DTNBP1: variants seen among roughly 807,000 people sequenced by gnomAD.
The protein encoded by DTNBP1 is dysbindin.
DTNBP1 carries 35 observed loss-of-function variants against 42.8 expected under a neutral mutation model. The ratio of observed to expected loss-of-function variants is 0.82; its 90% confidence interval spans 0.63 to 1.09. The LOEUF is 1.09. DTNBP1 is among the 50% of genes least tolerant of loss of function. DTNBP1 has a pLI of 0.00. For missense variants in DTNBP1, 457 were observed against 424.2 expected (o/e 1.08, Z -0.68); for synonymous variants, 171 against 162.2 (o/e 1.05, Z -0.41).
intron 7 of DTNBP1, among the ~76,000 whole-genome samples, chr6:15,577,538 T>G (rs550138400): frequency 6.6e-6 from 1 of 152,332 alleles, no homozygotes; most frequent in African/African-American, 2.4e-5. Context: ...TTTTTGTTGA[T>G]GTCTCTTATA....
At position 15,523,536 on chromosome 6, in the gene DTNBP1, C is replaced by T. The variant is rs736001; in HGVS notation, c.812-317G>A. The T allele has an allele frequency of 1.7e-4, 216 of 1,271,508 alleles. 2 individuals are homozygous for T. The South Asian group carries it at 2.9e-3, about 17-fold the overall frequency. The allele number at this position is 1,271,508 out of a possible 1,614,324, so 78.8% of individuals were successfully genotyped here. ...GTGCTGCCTATCTTTGAGGAGCAGTCCTTGTAACCTTGATAATCTAGATTT... is the reference window on the plus strand; with the variant it reads ...GTGCTGCCTATCTTTGAGGAGCAGTTCTTGTAACCTTGATAATCTAGATTT... On this transcript the variant is annotated intron_variant, in intron 9 of 9. Transcript: ENST00000344537.
intron 3 of DTNBP1, among the ~76,000 whole-genome samples, chr6:15,647,254 C>T (rs1454184290): frequency 6.6e-6 from 1 of 151,916 alleles, no homozygotes; most frequent in Non-Finnish European, 1.5e-5. Flanking sequence ...AAATGCTCAG[C>T]ATCACTAATC....
rs115369822 is a variant in DTNBP1, at chr6:15,574,792, T to G, written c.511+18267A>C. Reference sequence around the variant, plus strand: ...AAACGCAAACCTACTTATTAGCTGGTGGTAGGACCCTCTAATATTTCTCTC... The same window carrying G: ...AAACGCAAACCTACTTATTAGCTGGGGGTAGGACCCTCTAATATTTCTCTC... On this transcript the variant is annotated intron_variant, in intron 7 of 9. Coordinates refer to ENST00000344537, the MANE Select transcript of DTNBP1 (RefSeq NM_032122.5). Among the ~76,000 whole-genome samples the G allele has an allele frequency of 2.0e-3, 311 of 152,294 alleles. 1 individual carries two copies. The highest frequency in any genetic ancestry group is 6.9e-3 in the African/African-American group (287 of 41,558).
intron 7 of DTNBP1, among the ~76,000 whole-genome samples, chr6:15,563,845 C>T (rs939255819): frequency 3.9e-5 from 6 of 152,098 alleles, no homozygotes; most frequent in East Asian, 3.9e-4. Context: ...GAGGTTCCCG[C>T]GGTGGAACAC....
chr6:15,612,706 A>G (rs1758481931), intron 6 of DTNBP1, among the ~76,000 whole-genome samples: 1 of 152,148 alleles, frequency 6.6e-6, no homozygotes, highest in Non-Finnish European at 1.5e-5. Flanking sequence ...CCCATTTCAC[A>G]CACGAGAAAA....
intron 4 of DTNBP1, 78 bp from the exon 5 acceptor site, chr6:15,627,553 A>G (rs2113739534): frequency 6.3e-7 from 1 of 1,587,652 alleles, no homozygotes; most frequent in Non-Finnish European, 8.6e-7. Flanking sequence ...AATGAGATTT[A>G]ATGTTATCTT....
At chr6:15,597,954 T>G (rs1039504622) in intron 6 of DTNBP1, among the ~76,000 whole-genome samples, 1 of 152,210 alleles carries the variant, frequency 6.6e-6, no homozygotes, top group Non-Finnish European at 1.5e-5. Flanking sequence ...TTAATAGTAT[T>G]TTCAGAAGAT....
At chr6:15,651,997 G>A in intron 2 of DTNBP1, 90 bp downstream of exon 2, 2 of 1,152,792 alleles carry the variant, frequency 1.7e-6, no homozygotes, top group South Asian at 1.4e-5. Context: ...CAAATCTAAG[G>A]TTCATTAATA....
chr6:15,592,282 G>A (rs1303557595), intron 7 of DTNBP1, among the ~76,000 whole-genome samples: 1 of 152,156 alleles, frequency 6.6e-6, no homozygotes, highest in African/African-American at 2.4e-5. Flanking sequence ...AAAATCAGAA[G>A]TGATTTAATA....
chr6:15,653,295 ACT>A (rs1433096513), intron 1 of DTNBP1, among the ~76,000 whole-genome samples: 3 of 152,222 alleles, frequency 2.0e-5, no homozygotes, highest in African/African-American at 7.2e-5. Flanking sequence ...CTCCCCTGAT[ACT>A]TCTGAGCTAG....
intron 6 of DTNBP1, among the ~76,000 whole-genome samples, chr6:15,611,995 A>G (rs900491685): frequency 6.6e-6 from 1 of 152,242 alleles, no homozygotes; most frequent in Non-Finnish European, 1.5e-5. Context: ...ATTGATTCCA[A>G]TTTTTTAAGT....
intron 7 of DTNBP1, among the ~76,000 whole-genome samples, chr6:15,555,209 T>C (rs534650644): frequency 6.6e-6 from 1 of 150,500 alleles, no homozygotes; most frequent in African/African-American, 2.5e-5. Context: ...TAAAACACTT[T>C]CCTCTTTGCT....
At chr6:15,601,473 A>G (rs1776724904) in intron 6 of DTNBP1, among the ~76,000 whole-genome samples, 1 of 152,230 alleles carries the variant, frequency 6.6e-6, no homozygotes, top group South Asian at 2.1e-4. Context: ...GGATCAACTA[A>G]TAAATTCTCA....
At chr6:15,566,585 A>G (rs1312935713) in intron 7 of DTNBP1, among the ~76,000 whole-genome samples, 3 of 152,138 alleles carry the variant, frequency 2.0e-5, no homozygotes, top group African/African-American at 4.8e-5. Flanking sequence ...ACCTCACATG[A>G]CAGATAAAGA....
chr6:15,640,855 C>T (rs563673311), intron 3 of DTNBP1, among the ~76,000 whole-genome samples: 4 of 152,262 alleles, frequency 2.6e-5, no homozygotes, highest in African/African-American at 7.2e-5. Flanking sequence ...GGTTTTAGCA[C>T]AATGACAGCT....
chr6:15,580,855 G>A (rs886876818), intron 7 of DTNBP1, among the ~76,000 whole-genome samples: 1 of 152,220 alleles, frequency 6.6e-6, no homozygotes, highest in African/African-American at 2.4e-5. Flanking sequence ...TATAGTCACA[G>A]TCACCGTTTC....
At chr6:15,655,807 CT>C (rs1320429859) in intron 1 of DTNBP1, among the ~76,000 whole-genome samples, 1 of 152,100 alleles carries the variant, frequency 6.6e-6, no homozygotes, top group Non-Finnish European at 1.5e-5. Flanking sequence ...AAGGTATTTT[CT>C]AAAATAACAT....
intron 7 of DTNBP1, among the ~76,000 whole-genome samples, chr6:15,534,782 CCTT>C (rs1297113223): frequency 6.6e-6 from 1 of 151,770 alleles, no homozygotes; most frequent in East Asian, 1.9e-4. Flanking sequence ...AATCAGTTAA[CCTT>C]CTCATCTGAA....
At chr6:15,650,496 G>C (rs1463708718) in intron 3 of DTNBP1, among the ~76,000 whole-genome samples, 1 of 152,070 alleles carries the variant, frequency 6.6e-6, no homozygotes, top group Non-Finnish European at 1.5e-5. Context: ...TGGCCAGGCT[G>C]GTCTCAAACT....
Sources: allele counts gnomAD v4.1 joint callset (sites outside exome capture counted in the v4.1 genomes callset), GRCh38; gene constraint gnomAD v4.1.1; transcripts MANE v1.5; gene names NCBI Gene and HGNC (gene_info 2026-07-23, HGNC 2026-07-21).